The following ALK variants were observed in gnomAD, a reference collection of about 807,000 sequenced individuals.
The protein encoded by ALK is ALK receptor tyrosine kinase.
In ALK, 74 loss-of-function variants were observed where a neutral mutation model predicts 163.1. That is an observed-to-expected ratio of 0.45 (90% CI 0.38 to 0.55). The LOEUF (loss-of-function observed/expected upper bound fraction) is 0.55, where lower values mean the gene tolerates loss of function less well. Among genes scored for constraint, ALK ranks in the 20% least tolerant of loss-of-function variants. ALK has a pLI of 0.00. For missense variants in ALK, 2,063 were observed against 2,105.3 expected, an observed-to-expected ratio of 0.98 and a Z score of 0.39; for synonymous variants, 960 against 843.2, an observed-to-expected ratio of 1.14 and a Z score of -2.40.
intron 1 of ALK, among the ~76,000 whole-genome samples, chr2:29,862,107 A>G (rs933081068): frequency 7.9e-5 from 12 of 151,582 alleles, no homozygotes; most frequent in Non-Finnish European, 1.6e-4. Flanking sequence ...TCAGCAAATT[A>G]TAGAAGGAAT....
At chr2:29,402,399 G>A (rs866145272) in intron 4 of ALK, among the ~76,000 whole-genome samples, 9 of 152,334 alleles carry the variant, frequency 5.9e-5, no homozygotes, top group African/African-American at 1.7e-4. Context: ...AAGAATACCC[G>A]AGTGATGGTC....
chr2:29,541,919 C>T (rs1163003839), intron 3 of ALK, among the ~76,000 whole-genome samples: 2 of 152,170 alleles, frequency 1.3e-5, no homozygotes, highest in Non-Finnish European at 2.9e-5. Context: ...CCATTGCTAG[C>T]CAAGCCTCCT....
chr2:29,216,971 CGTGGTG>C (rs1669638340), intron 23 of ALK, among the ~76,000 whole-genome samples: 1 of 64,266 alleles, frequency 1.6e-5, no homozygotes, highest in African/African-American at 5.9e-5. Context: ...GTGGTGTGTG[CGTGGTG>C]TGTGTGTGGC....
rs62129762 is a variant in ALK at position 29,847,169 on chromosome 2, C to T, written c.667+72824G>A. On this transcript the variant is annotated intron_variant, in intron 1 of 28. Coordinates refer to ENST00000389048, the MANE Select transcript of ALK (RefSeq NM_004304.5). The stretch of plus-strand genomic sequence containing the variant: ...CCCAGGGGCTCCTCCCTTCCCTCCA[C>T]GATACCTCGGTATTCTCATCTATGA... 4.0e-3 allele frequency among the ~76,000 whole-genome samples: 612 copies of T among 152,288 alleles called. 5 individuals carry two copies. The highest frequency in any genetic ancestry group is 5.5e-3 in the Non-Finnish European group (374 of 68,034).
chr2:29,848,148 C>T (rs771015226), intron 1 of ALK, among the ~76,000 whole-genome samples: 1 of 152,084 alleles, frequency 6.6e-6, no homozygotes, highest in African/African-American at 2.4e-5. Flanking sequence ...GGTCTTAGTG[C>T]CTCTGGGAGG....
chr2:29,532,105 G>A lies in ALK; in HGVS notation c.964C>T (p.Leu322Phe), dbSNP rs538843723. 3.1e-6 allele frequency: 5 copies of A among 1,614,058 alleles called. No homozygotes were observed. The African/African-American group carries it at 4.0e-5, about 13-fold the overall frequency. Reference protein sequence around the residue: ...SKEMPRGSFLLLNTSADSKHT... With the variant: ...SKEMPRGSFLFLNTSADSKHT... ...TTGGAGTCAGCTGAGGTGTTGAGAA[G>A]GAGAAAGGAGCCTGGAAAGAGACAG... Residue 322 changes from leucine (L) to phenylalanine (F), a missense_variant, in exon 4 of 29, where the codon CTT becomes TTT. Transcript: ENST00000389048.
chr2:29,545,008 C>T (rs1673516549), intron 3 of ALK, among the ~76,000 whole-genome samples: 1 of 152,166 alleles, frequency 6.6e-6, no homozygotes, highest in African/African-American at 2.4e-5. Context: ...GGGTATATGC[C>T]TGTCCATGAT....
chr2:29,740,303 A>C (rs140001798), intron 1 of ALK, among the ~76,000 whole-genome samples: 1 of 152,256 alleles, frequency 6.6e-6, no homozygotes, highest in African/African-American at 2.4e-5. Context: ...ATTCAATGAA[A>C]AAAAGGAAGA....
At chr2:29,630,780 G>T (rs1676345990) in intron 3 of ALK, among the ~76,000 whole-genome samples, 1 of 151,568 alleles carries the variant, frequency 6.6e-6, no homozygotes, top group African/African-American at 2.4e-5. Flanking sequence ...AGGAACTTTG[G>T]TATTTACACT....
intron 4 of ALK, among the ~76,000 whole-genome samples, chr2:29,510,725 A>T (rs1453614597): frequency 6.6e-6 from 1 of 152,216 alleles, no homozygotes; most frequent in Non-Finnish European, 1.5e-5. Flanking sequence ...ATGGTTGAAC[A>T]ACTTCCAGGT....
rs1487114083 is a variant in ALK at position 29,542,572 on chromosome 2, C to T, written c.953-10456G>A. Among the ~76,000 whole-genome samples, 3 of 152,234 alleles carry T rather than the reference C, an allele frequency of 2.0e-5. No individual in the cohort carries two copies. In the East Asian group the frequency reaches 5.8e-4, roughly 29 times the overall value. On this transcript the variant is annotated intron_variant, in intron 3 of 28. Transcript: ENST00000389048. ...GGTTTGCAGATTAGAAACTTTGCCTCAAAAATTTGAAGACCTAGTTTCAGC... is the reference window on the plus strand; with the variant it reads ...GGTTTGCAGATTAGAAACTTTGCCTTAAAAATTTGAAGACCTAGTTTCAGC...
chr2:29,480,259 G>A (rs1049820581), intron 4 of ALK, among the ~76,000 whole-genome samples: 2 of 152,066 alleles, frequency 1.3e-5, no homozygotes, highest in African/African-American at 2.4e-5. Context: ...AGGATGAGGC[G>A]AGGCTTTAGA....
intron 16 of ALK, 23 bp downstream of exon 16, chr2:29,228,861 C>T (rs202214009): frequency 2.9e-4 from 436 of 1,527,514 alleles, no homozygotes; most frequent in Middle Eastern, 5.1e-4. Flanking sequence ...GGGAGTGACA[C>T]CTTGAACACG....
chr2:29,487,891 T>C (rs1671814840), intron 4 of ALK, among the ~76,000 whole-genome samples: 1 of 152,156 alleles, frequency 6.6e-6, no homozygotes, highest in Non-Finnish European at 1.5e-5. Context: ...CCCGTGCTTG[T>C]TCCTGGAGCT....
At chr2:29,278,543 G>A (rs1665603771) in intron 9 of ALK, among the ~76,000 whole-genome samples, 1 of 152,144 alleles carries the variant, frequency 6.6e-6, no homozygotes, top group South Asian at 2.1e-4. Context: ...GATTTCCGTG[G>A]GGTCTCCCCA....
At chr2:29,255,237 CAT>C (rs1336285643) in intron 11 of ALK, among the ~76,000 whole-genome samples, 1 of 152,294 alleles carries the variant, frequency 6.6e-6, no homozygotes, top group African/African-American at 2.4e-5. Context: ...TCCTGCTTCT[CAT>C]GTGTGGGCTG....
intron 1 of ALK, among the ~76,000 whole-genome samples, chr2:29,726,922 T>C (rs1421291456): frequency 6.6e-6 from 1 of 152,216 alleles, no homozygotes; most frequent in African/African-American, 2.4e-5. Flanking sequence ...AGACCTCTGA[T>C]GTGTGGACCA....
intron 9 of ALK, among the ~76,000 whole-genome samples, chr2:29,282,557 C>T (rs1271999028): frequency 6.6e-6 from 1 of 152,112 alleles, no homozygotes; most frequent in Non-Finnish European, 1.5e-5. Context: ...GGGAACATAC[C>T]CCTCCTGGCT....
At position 29,231,546 on chromosome 2, in the gene ALK, T is replaced by C. The variant is rs570559924; in HGVS notation, c.2632+758A>G. On this transcript the variant is annotated intron_variant, in intron 15 of 28. Coordinates refer to ENST00000389048, the MANE Select transcript of ALK (RefSeq NM_004304.5). The stretch of plus-strand genomic sequence containing the variant: ...TTTCTCGGGTGCTGGGCCTCGGTGC[T>C]GCAAACGTCACTGGAGATCCTCAGG... Among the ~76,000 whole-genome samples, 212 of 152,292 alleles carry C rather than the reference T, an allele frequency of 1.4e-3. 1 individual carries two copies. The highest frequency in any genetic ancestry group is 2.4e-3 in the Non-Finnish European group (163 of 68,018).
Sources: allele counts gnomAD v4.1 joint callset (sites outside exome capture counted in the v4.1 genomes callset), GRCh38; gene constraint gnomAD v4.1.1; transcripts MANE v1.5; gene names NCBI Gene and HGNC (gene_info 2026-07-23, HGNC 2026-07-21).